The following FANK1 variants were observed in gnomAD, a reference collection of about 807,000 sequenced individuals.
FANK1 encodes fibronectin type 3 and ankyrin repeat domains protein 1.
A neutral mutation model predicts 45.3 loss-of-function variants in FANK1; 44 were observed. That is an observed-to-expected ratio of 0.97 (90% CI 0.76 to 1.25). The LOEUF is 1.25. FANK1 is among the 50% of genes most tolerant of loss of function. FANK1 has a pLI of 0.00. For missense variants in FANK1, 391 were observed against 424.4 expected, an observed-to-expected ratio of 0.92 and a Z score of 0.69; for synonymous variants, 149 against 152.5, an observed-to-expected ratio of 0.98 and a Z score of 0.17.
intron 1 of FANK1, among the ~76,000 whole-genome samples, chr10:125,919,037 A>G (rs1013706734): frequency 5.9e-5 from 9 of 151,966 alleles, no homozygotes; most frequent in African/African-American, 2.2e-4. Context: ...TGAGAATTCT[A>G]TAAATTTAAA....
intron 1 of FANK1, among the ~76,000 whole-genome samples, chr10:125,967,021 T>C (rs1383142788): frequency 3.3e-4 from 50 of 152,242 alleles, no homozygotes. Flanking sequence ...TTCCTTAGTA[T>C]ATCATCTTCC....
At chr10:125,949,992 C>T (rs1187132443) in intron 1 of FANK1, among the ~76,000 whole-genome samples, 2 of 110,484 alleles carry the variant, frequency 1.8e-5, no homozygotes, top group Non-Finnish European at 4.1e-5. Flanking sequence ...CTTTGACAAA[C>T]GTGAGAAAAA....
intron 1 of FANK1, among the ~76,000 whole-genome samples, chr10:125,954,777 G>A (rs1035463254): frequency 2.0e-5 from 3 of 151,852 alleles, no homozygotes; most frequent in East Asian, 1.9e-4. Context: ...AAAATTAGCC[G>A]GGCCCAGTGG....
At chr10:125,951,823 T>A (rs1208687808) in intron 1 of FANK1, among the ~76,000 whole-genome samples, 1 of 152,140 alleles carries the variant, frequency 6.6e-6, no homozygotes, top group Non-Finnish European at 1.5e-5. Context: ...TGGAAAAAAA[T>A]TCATCTGAAA....
intron 1 of FANK1, among the ~76,000 whole-genome samples, chr10:125,932,821 G>A (rs1947838607): frequency 6.6e-6 from 1 of 152,128 alleles, no homozygotes; most frequent in South Asian, 2.1e-4. Flanking sequence ...TCCCCATTTA[G>A]TATTATGTTG....
intron 6 of FANK1, among the ~76,000 whole-genome samples, chr10:126,002,329 A>T (rs1952829514): frequency 6.6e-6 from 1 of 152,176 alleles, no homozygotes; most frequent in Non-Finnish European, 1.5e-5. Context: ...ACAAACAAAA[A>T]GTCATGCAGA....
chr10:125,985,376 C>A (rs948438624), intron 2 of FANK1, among the ~76,000 whole-genome samples: 13 of 152,326 alleles, frequency 8.5e-5, no homozygotes, highest in African/African-American at 2.9e-4. Context: ...CATTTAACAT[C>A]AAAATCTACC....
At chr10:126,001,878 C>A (rs968634162) in intron 6 of FANK1, among the ~76,000 whole-genome samples, 8 of 152,076 alleles carry the variant, frequency 5.3e-5, no homozygotes, top group Non-Finnish European at 1.2e-4. Context: ...TTAAACAATC[C>A]TCCTCACCAC....
At chr10:125,944,211 T>A (rs187342065) in intron 1 of FANK1, among the ~76,000 whole-genome samples, 1 of 152,354 alleles carries the variant, frequency 6.6e-6, no homozygotes, top group African/African-American at 2.4e-5. Context: ...GGAGAATTTG[T>A]AGCAATATTT....
chr10:125,965,700 G>A (rs180790298), intron 1 of FANK1, among the ~76,000 whole-genome samples: 4 of 152,314 alleles, frequency 2.6e-5, no homozygotes, highest in Admixed American at 2.0e-4. Flanking sequence ...GGTTGAATCC[G>A]TTGTTGACCA....
chr10:125,997,722 C>T (rs1263525156), intron 6 of FANK1, among the ~76,000 whole-genome samples: 1 of 152,234 alleles, frequency 6.6e-6, no homozygotes, highest in Non-Finnish European at 1.5e-5. Flanking sequence ...GGTGACTTCT[C>T]TGGCATGGTC....
At chr10:126,009,349 C>A (rs769530204) in intron 10 of FANK1, 24 bp from the exon 11 acceptor site, 17 of 1,613,828 alleles carry the variant, frequency 1.1e-5, no homozygotes, top group Admixed American at 8.3e-5. Context: ...GGATTACATT[C>A]GCCTGTCTGT....
At chr10:125,940,019 CTCTTAA>C (rs1284845231) in intron 1 of FANK1, among the ~76,000 whole-genome samples, 2 of 151,876 alleles carry the variant, frequency 1.3e-5, no homozygotes, top group African/African-American at 4.8e-5. Context: ...CAACCTCCAC[CTCTTAA>C]TCTTAATCCA....
At chr10:125,901,645 G>T (rs962788353) in intron 1 of FANK1, among the ~76,000 whole-genome samples, 6 of 152,058 alleles carry the variant, frequency 3.9e-5, no homozygotes, top group Non-Finnish European at 8.8e-5. Flanking sequence ...TCTCTGCCAG[G>T]GATGCTATTC....
chr10:125,991,250 G>GGTGTGTGTGTGTGTGTGTGT (rs113257579), intron 3 of FANK1, among the ~76,000 whole-genome samples: 1,752 of 145,930 alleles, frequency 0.012, 11 homozygotes, highest in African/African-American at 0.021. Flanking sequence ...GGTGACCAGG[G>GGTGTGTGTGTGTGTGTGTGT]GTGTGTGTGT....
intron 1 of FANK1, among the ~76,000 whole-genome samples, chr10:125,913,748 C>A (rs1362515485): frequency 6.6e-6 from 1 of 152,112 alleles, no homozygotes; most frequent in African/African-American, 2.4e-5. Flanking sequence ...CCCTGAGCCT[C>A]CTGCTTCACC....
intron 4 of FANK1, 108 bp downstream of exon 4, chr10:125,995,606 C>T (rs2134219041): frequency 9.8e-7 from 1 of 1,017,670 alleles, no homozygotes; most frequent in Non-Finnish European, 1.5e-6. Flanking sequence ...GGCTTTGAAA[C>T]TGCCTCCAAA....
chr10:125,918,961 A>G (rs1946715981), intron 1 of FANK1, among the ~76,000 whole-genome samples: 1 of 152,048 alleles, frequency 6.6e-6, no homozygotes, highest in Admixed American at 6.6e-5. Flanking sequence ...CAGTCTACAT[A>G]TAATTGAAAG....
chr10:125,961,387 G>A lies in FANK1; in HGVS notation c.14-18774G>A, dbSNP rs150836542. Among the ~76,000 whole-genome samples the A allele has an allele frequency of 6.1e-3, 930 of 152,244 alleles. 14 individuals are homozygous for A. The highest frequency in any genetic ancestry group is 0.021 in the African/African-American group (876 of 41,542). ...AGCCTCCCAAAGTGCTGGGATTACA[G>A]GCATGAGCCACCATGCCTGGCTACC... is the stretch of plus-strand genomic sequence containing the variant. On this transcript the variant is annotated intron_variant, in intron 1 of 10. Coordinates refer to ENST00000368693, the MANE Select transcript of FANK1 (RefSeq NM_145235.5).
Sources: gnomAD v4.1 joint callset for allele counts (sites outside exome capture counted in the v4.1 genomes callset) on GRCh38, gnomAD v4.1.1 for gene constraint, MANE v1.5 for transcripts, NCBI Gene and HGNC (gene_info 2026-07-23, HGNC 2026-07-21) for gene names.